Variants in PTPRD observed in about 807,000 individuals in gnomAD.
PTPRD encodes the protein receptor-type tyrosine-protein phosphatase delta.
Under a neutral mutation model 214.5 loss-of-function variants are expected in PTPRD, and 34 were observed. The ratio of observed to expected loss-of-function variants is 0.16; its 90% CI spans 0.12 to 0.21. The LOEUF (loss-of-function observed/expected upper bound fraction) is 0.21, where lower values mean the gene tolerates loss of function less well. Ranked by LOEUF, PTPRD falls within the 10% of genes least tolerant of loss-of-function variation. The pLI, the probability that PTPRD is intolerant of heterozygous loss-of-function variation, is 1.00. For synonymous variants in PTPRD, 1,128 were observed against 845.7 expected (o/e 1.33, Z -5.79); for missense variants, 2,545 against 2,398.7 (o/e 1.06, Z -1.27).
At chr9:9,009,578 A>G (rs1296599159) in intron 11 of PTPRD, among the ~76,000 whole-genome samples, 1 of 152,124 alleles carries the variant, frequency 6.6e-6, no homozygotes, top group African/African-American at 2.4e-5. Context: ...ATGGAGAAAA[A>G]AAAATTAGAA....
At chr9:10,527,390 C>T (rs998281140) in intron 2 of PTPRD, among the ~76,000 whole-genome samples, 3 of 152,038 alleles carry the variant, frequency 2.0e-5, no homozygotes, top group Non-Finnish European at 2.9e-5. Context: ...TGTTTCAAAA[C>T]ACATGAACTA....
At chr9:8,525,189 G>A (rs759113971) in intron 17 of PTPRD, 154 bp from the exon 18 acceptor site, 4 of 758,150 alleles carry the variant, frequency 5.3e-6, no homozygotes, top group African/African-American at 1.7e-5. Context: ...GACAGAAAAT[G>A]ATGCGATGAG....
chr9:10,559,789 C>T (rs901238635), intron 2 of PTPRD, among the ~76,000 whole-genome samples: 1 of 151,946 alleles, frequency 6.6e-6, no homozygotes, highest in African/African-American at 2.4e-5. Context: ...ATTTATGCAG[C>T]CAAAAAACAC....
At chr9:8,333,489 C>G (rs1300351777) in intron 43 of PTPRD, among the ~76,000 whole-genome samples, 1 of 152,104 alleles carries the variant, frequency 6.6e-6, no homozygotes, top group Admixed American at 6.6e-5. Context: ...AAATCCTTTA[C>G]AGAAAAGCAA....
At chr9:9,631,222 T>TAAATAAATAAATAAATA (rs1231904436) in intron 7 of PTPRD, among the ~76,000 whole-genome samples, 3 of 111,678 alleles carry the variant, frequency 2.7e-5, no homozygotes, top group African/African-American at 9.2e-5. Context: ...AATAAATAAA[T>TAAATAAATAAATAAATA]AAAAAGAAAA....
intron 8 of PTPRD, among the ~76,000 whole-genome samples, chr9:9,545,451 A>T (rs910578840): frequency 6.6e-6 from 1 of 151,848 alleles, no homozygotes; most frequent in African/African-American, 2.4e-5. Flanking sequence ...TGCATTTAAG[A>T]TTCCTCCATG....
chr9:10,481,514 G>A (rs1021372478), intron 2 of PTPRD, among the ~76,000 whole-genome samples: 4 of 152,128 alleles, frequency 2.6e-5, no homozygotes. Flanking sequence ...ACTCACAGAT[G>A]TATTTAAGAA....
intron 2 of PTPRD, among the ~76,000 whole-genome samples, chr9:10,454,413 C>CTT (rs962580088): frequency 6.6e-6 from 1 of 151,548 alleles, no homozygotes; most frequent in African/African-American, 2.4e-5. Flanking sequence ...CCTCAGAATA[C>CTT]TTTTTTTAAA....
chr9:8,493,108 T>C (rs923030487), intron 26 of PTPRD, 129 bp from the exon 27 acceptor site: 26 of 726,378 alleles, frequency 3.6e-5, no homozygotes, highest in Admixed American at 3.1e-4. Flanking sequence ...GCCCTGGAAA[T>C]TTCATGCCTG....
chr9:8,744,330 G>A (rs531816968), intron 11 of PTPRD, among the ~76,000 whole-genome samples: 13 of 150,576 alleles, frequency 8.6e-5, no homozygotes, highest in Admixed American at 2.0e-4. Context: ...GTCATTATCC[G>A]AAAAGATACT....
intron 12 of PTPRD, among the ~76,000 whole-genome samples, chr9:8,709,188 G>C (rs1597588544): frequency 6.6e-6 from 1 of 152,052 alleles, no homozygotes; most frequent in Non-Finnish European, 1.5e-5. Context: ...ACAACATGGT[G>C]ACTACAGAAA....
chr9:9,260,374 C>G (rs888397199), intron 9 of PTPRD, among the ~76,000 whole-genome samples: 5 of 151,810 alleles, frequency 3.3e-5, no homozygotes, highest in African/African-American at 1.2e-4. Context: ...ACCGAAATCA[C>G]GTTTATTAAA....
At chr9:9,980,464 C>A (rs531624420) in intron 4 of PTPRD, among the ~76,000 whole-genome samples, 2 of 151,430 alleles carry the variant, frequency 1.3e-5, no homozygotes, top group African/African-American at 4.8e-5. Context: ...AAAAATTAGC[C>A]GGGCATAGTG....
chr9:10,525,583 T>C lies in PTPRD; in HGVS notation c.-600+86815A>G, dbSNP rs138532964. On this transcript the variant is annotated intron_variant, in intron 2 of 45. Transcript: ENST00000381196. ...CTTCTTGCTTTAGGCAAGCTCTTTA[T>C]TGTCTTACTTCAGAGTCTTGAGGAA... is the stretch of plus-strand genomic sequence containing the variant. Among the ~76,000 whole-genome samples the C allele has an allele frequency of 6.6e-5, 10 of 152,272 alleles. 1 individual carries two copies. Among genetic ancestry groups the C allele is most frequent in the African/African-American group, 2.4e-4 (10 of 41,560 alleles).
chr9:10,202,708 G>T (rs1448100336), intron 3 of PTPRD, among the ~76,000 whole-genome samples: 1 of 103,226 alleles, frequency 9.7e-6, no homozygotes. Context: ...ATGCACCAGT[G>T]AATAGTTAAT....
At chr9:8,458,263 A>G (rs1418815896) in intron 33 of PTPRD, among the ~76,000 whole-genome samples, 2 of 152,182 alleles carry the variant, frequency 1.3e-5, no homozygotes, top group African/African-American at 2.4e-5. Flanking sequence ...AAGCACTTGC[A>G]GATGAAGGAA....
intron 8 of PTPRD, among the ~76,000 whole-genome samples, chr9:9,507,078 G>T (rs758123204): frequency 4.6e-5 from 7 of 151,298 alleles, no homozygotes; most frequent in Admixed American, 1.3e-4. Context: ...AACAAATTAT[G>T]TTCCTGCCAG....
At chr9:10,352,288 T>C (rs2097196545) in intron 2 of PTPRD, among the ~76,000 whole-genome samples, 1 of 152,094 alleles carries the variant, frequency 6.6e-6, no homozygotes, top group African/African-American at 2.4e-5. Context: ...ACACTCCTGC[T>C]GATCTGGGTC....
intron 8 of PTPRD, among the ~76,000 whole-genome samples, chr9:9,537,634 G>A (rs1315072797): frequency 2.0e-5 from 3 of 151,900 alleles, no homozygotes; most frequent in African/African-American, 4.8e-5. Context: ...AATTCCCAGT[G>A]AATTTACTGT....
Sources: allele counts gnomAD v4.1 joint callset (sites outside exome capture counted in the v4.1 genomes callset), GRCh38; gene constraint gnomAD v4.1.1; transcripts MANE v1.5; gene names NCBI Gene and HGNC (gene_info 2026-07-23, HGNC 2026-07-21).